The following TNPO3 variants were observed in gnomAD, a reference collection of about 807,000 sequenced individuals.
TNPO3 encodes transportin-3.
A neutral mutation model predicts 122.8 loss-of-function variants in TNPO3; 65 were observed. The observed-to-expected ratio is 0.53, with a 90% CI of 0.43 to 0.65. The LOEUF (loss-of-function observed/expected upper bound fraction) is 0.65. Among genes scored for constraint, TNPO3 ranks in the 30% least tolerant of loss-of-function variants. TNPO3 has a pLI of 0.00. For missense variants in TNPO3, 850 were observed against 1,136.7 expected (o/e 0.75, Z 3.63); for synonymous variants, 372 against 411.2 (o/e 0.90, Z 1.15).
At chr7:128,967,141 A>G (rs1023884072) in intron 21 of TNPO3, 139 bp downstream of exon 21, 1 of 615,898 alleles carries the variant, frequency 1.6e-6, no homozygotes, top group Non-Finnish European at 3.0e-6. Flanking sequence ...TTTTCCCACC[A>G]GATTGGCTTC....
At chr7:129,010,928 C>A (rs76145002) in intron 4 of TNPO3, among the ~76,000 whole-genome samples, 2 of 147,956 alleles carry the variant, frequency 1.4e-5, no homozygotes, top group African/African-American at 2.5e-5. Flanking sequence ...TCTATATCTA[C>A]AAAAAAAAAA....
At chr7:128,972,638 C>T in intron 18 of TNPO3, 56 bp from the exon 19 acceptor site, 1 of 1,556,530 alleles carries the variant, frequency 6.4e-7, no homozygotes, top group Non-Finnish European at 8.8e-7. Context: ...TAAAAGCAGC[C>T]AGGGTAAAAG....
At chr7:128,957,130 T>C (rs1464351785) in intron 22 of TNPO3, 94 bp downstream of exon 22, 1 of 1,039,218 alleles carries the variant, frequency 9.6e-7, no homozygotes, top group African/African-American at 1.6e-5. Flanking sequence ...GCTATAAGAC[T>C]GGTCCCATGA....
chr7:128,970,365 C>T (rs769974960), intron 19 of TNPO3, 50 bp from the exon 20 acceptor site: 1 of 1,507,976 alleles, frequency 6.6e-7, no homozygotes, highest in Non-Finnish European at 8.9e-7. Context: ...CTCAACTTCC[C>T]AAAGACCAAG....
chr7:128,973,051 A>G (rs531903131), intron 18 of TNPO3, among the ~76,000 whole-genome samples: 17 of 152,316 alleles, frequency 1.1e-4, no homozygotes, highest in African/African-American at 3.4e-4. Context: ...AAGACGTGTC[A>G]CCACATCCTA....
chr7:128,973,187 C>T (rs1266423369), intron 18 of TNPO3, among the ~76,000 whole-genome samples: 1 of 152,166 alleles, frequency 6.6e-6, no homozygotes, highest in African/African-American at 2.4e-5. Flanking sequence ...TCACAGAATT[C>T]CAGTTCCCAG....
chr7:128,986,260 T>G (rs947268831), intron 12 of TNPO3, among the ~76,000 whole-genome samples: 1 of 152,204 alleles, frequency 6.6e-6, no homozygotes, highest in African/African-American at 2.4e-5. Context: ...CAATGGCTGT[T>G]TGCCTCTGGA....
In TNPO3 at chr7:128,967,344, T is replaced by C. The variant is rs1332905120; in HGVS notation, c.2647A>G (p.Thr883Ala). 2 of 1,614,110 alleles carry C rather than the reference T, an allele frequency of 1.2e-6. No individual in the cohort carries two copies. Among genetic ancestry groups the C allele is most frequent in the South Asian group, 2.2e-5 (2 of 91,076 alleles). ...ENSLKGLPKE[T>A]TVGAVTVTHK... Reference sequence around the variant, plus strand: ...GTCACTGTGACGGCTCCCACGGTTGTTTCCTTTGGCAAACCTTTTAAGGAA... The same window carrying C: ...GTCACTGTGACGGCTCCCACGGTTGCTTCCTTTGGCAAACCTTTTAAGGAA... Residue 883 changes from threonine (T) to alanine (A), a missense_variant, in exon 21 of 23, where the codon ACA becomes GCA. Physicochemically the swap from Thr to Ala is moderately conservative, Grantham distance 58. Transcript: ENST00000265388.
intron 5 of TNPO3, among the ~76,000 whole-genome samples, chr7:129,003,751 C>T (rs1197436202): frequency 6.6e-6 from 1 of 151,962 alleles, no homozygotes; most frequent in Non-Finnish European, 1.5e-5. Context: ...TATATTTTAC[C>T]CTGACTCTAG....
chr7:128,964,243 C>T (rs1374303818), intron 21 of TNPO3, among the ~76,000 whole-genome samples: 1 of 152,052 alleles, frequency 6.6e-6, no homozygotes, highest in African/African-American at 2.4e-5. Flanking sequence ...TCAATACAAT[C>T]CCCATCAAAA....
intron 1 of TNPO3, chr7:129,030,337 AC>A (rs1338018953): frequency 1.7e-5 from 4 of 238,474 alleles, no homozygotes; most frequent in African/African-American, 2.3e-5. Flanking sequence ...TGCTACTTGT[AC>A]TTTTAATGGA....
chr7:129,008,459 A>G (rs1462484193), intron 4 of TNPO3, among the ~76,000 whole-genome samples: 1 of 152,054 alleles, frequency 6.6e-6, no homozygotes, highest in Non-Finnish European at 1.5e-5. Flanking sequence ...AAGTTCTTCT[A>G]GATATTTTTT....
intron 1 of TNPO3, among the ~76,000 whole-genome samples, chr7:129,040,481 T>A (rs1387817711): frequency 6.6e-6 from 1 of 152,188 alleles, no homozygotes; most frequent in Non-Finnish European, 1.5e-5. Context: ...AGGTATCTGC[T>A]AGAGTAATAG....
In TNPO3 at chr7:128,989,958, T is replaced by C. The variant is rs936598968; in HGVS notation, c.1498+3A>G. 7 of 1,613,238 alleles carry C rather than the reference T, an allele frequency of 4.3e-6. No homozygotes were observed. Among genetic ancestry groups the C allele is most frequent in the Admixed American group, 1.7e-5 (1 of 60,004 alleles). ...AGTGGCAGAGGAGAGAGATTACACA[T>C]ACCAAGGAACTGAGGATTTCGATCA... On this transcript the variant is annotated splice_donor_region_variant and intron_variant, in intron 11 of 22. Transcript: ENST00000265388.
At chr7:128,975,542 C>T (rs1226061378) in intron 17 of TNPO3, among the ~76,000 whole-genome samples, 1 of 152,142 alleles carries the variant, frequency 6.6e-6, no homozygotes, top group African/African-American at 2.4e-5. Context: ...TCATTTTTCT[C>T]ACCTCCTCCC....
At chr7:129,046,980 T>C (rs1299786777) in intron 1 of TNPO3, among the ~76,000 whole-genome samples, 1 of 152,178 alleles carries the variant, frequency 6.6e-6, no homozygotes. Context: ...GGTGGGGACA[T>C]AGCCAAACCA....
intron 1 of TNPO3, among the ~76,000 whole-genome samples, chr7:129,018,781 C>A (rs1804126141): frequency 6.6e-6 from 1 of 152,100 alleles, no homozygotes; most frequent in Admixed American, 6.5e-5. Flanking sequence ...TGCAGTGGCA[C>A]AATCTAGGCT....
intron 1 of TNPO3, among the ~76,000 whole-genome samples, chr7:129,046,926 C>A (rs1808125287): frequency 1.3e-5 from 2 of 152,260 alleles, no homozygotes; most frequent in Admixed American, 6.5e-5. Flanking sequence ...TACCTGGCCC[C>A]ACCTTGCCAC....
chr7:129,046,983 C>T (rs1436274882), intron 1 of TNPO3, among the ~76,000 whole-genome samples: 1 of 152,150 alleles, frequency 6.6e-6, no homozygotes, highest in Non-Finnish European at 1.5e-5. Flanking sequence ...GGGGACATAG[C>T]CAAACCATAT....
Sources: allele counts gnomAD v4.1 joint callset (sites outside exome capture counted in the v4.1 genomes callset), GRCh38; gene constraint gnomAD v4.1.1; transcripts MANE v1.5; gene names NCBI Gene and HGNC (gene_info 2026-07-23, HGNC 2026-07-21).